SCARB2: variants seen among roughly 807,000 people sequenced by gnomAD.
SCARB2 encodes the protein lysosome membrane protein 2.
Under a neutral mutation model 58.6 loss-of-function variants are expected in SCARB2, and 29 were observed. That is an observed-to-expected ratio of 0.49 (90% CI 0.37 to 0.67). The LOEUF (loss-of-function observed/expected upper bound fraction) is 0.67. Ranked by LOEUF, SCARB2 falls within the 30% of genes least tolerant of loss-of-function variation. The pLI is 0.00. For missense variants in SCARB2, 488 were observed against 578.5 expected (o/e 0.84, Z 1.60); for synonymous variants, 195 against 210.1 (o/e 0.93, Z 0.62).
intron 4 of SCARB2, among the ~76,000 whole-genome samples, chr4:76,177,350 A>G (rs1732271266): frequency 6.6e-6 from 1 of 152,104 alleles, no homozygotes; most frequent in Admixed American, 6.6e-5. Context: ...AAAAAAAAAA[A>G]AAAGAAAAAT....
At chr4:76,161,832 G>T in intron 11 of SCARB2, 81 bp from the exon 12 acceptor site, 1 of 1,373,020 alleles carries the variant, frequency 7.3e-7, no homozygotes. Context: ...GGTGGGGAGT[G>T]GGGGCATGGA....
chr4:76,213,151 G>C (rs1009989043), intron 1 of SCARB2: 1 of 447,858 alleles, frequency 2.2e-6, no homozygotes, highest in Non-Finnish European at 4.2e-6. Flanking sequence ...CGGAAGGAGT[G>C]GGGAGAGATG....
intron 1 of SCARB2, among the ~76,000 whole-genome samples, chr4:76,197,919 GA>G (rs1427548142): frequency 6.6e-6 from 1 of 151,830 alleles, no homozygotes; most frequent in East Asian, 1.9e-4. Context: ...GAAAATCTAA[GA>G]AACTCAGATT....
chr4:76,226,145 T>A (rs1560728863), intron 1 of SCARB2, among the ~76,000 whole-genome samples: 1 of 152,122 alleles, frequency 6.6e-6, no homozygotes, highest in Non-Finnish European at 1.5e-5. Context: ...TAAGAGTACA[T>A]ACGGTGGGTC....
rs1355153585 is a variant in SCARB2, at chr4:76,161,605, T to C, written c.*108A>G. ...TATCACTTGCCAGCGCCGTGTCTTTTTCCTTCTTTCAACAGGCAACAAGCC... is the reference window on the plus strand; with the variant it reads ...TATCACTTGCCAGCGCCGTGTCTTTCTCCTTCTTTCAACAGGCAACAAGCC... On this transcript the variant is annotated 3_prime_UTR_variant, in exon 12 of 12. Coordinates refer to ENST00000264896, the MANE Select transcript of SCARB2 (RefSeq NM_005506.4). The C allele has an allele frequency of 1.6e-6, 2 of 1,215,868 alleles. No homozygotes were observed. Among genetic ancestry groups the C allele is most frequent in the Non-Finnish European group, 2.4e-6 (2 of 817,974 alleles). 75.3% of individuals were successfully genotyped at this position (1,215,868 alleles called of 1,614,324 possible).
intron 2 of SCARB2, chr4:76,195,491 A>G: frequency 1.7e-6 from 1 of 574,564 alleles, no homozygotes. Context: ...GCTGCACTTC[A>G]AAACACAACA....
chr4:76,160,223 T>G lies in SCARB2; in HGVS notation c.*1490A>C, dbSNP rs1355745931. ...GCTATGGAAATGAAATCTATATTTT[T>G]TTCTTCATTTGCTTACATTGAAATC... is the stretch of plus-strand genomic sequence containing the variant. On this transcript the variant is annotated 3_prime_UTR_variant, in exon 12 of 12. Coordinates refer to ENST00000264896, the MANE Select transcript of SCARB2 (RefSeq NM_005506.4). 2 of 152,242 alleles carry G rather than the reference T, an allele frequency of 1.3e-5. No individual in the cohort carries two copies. The highest frequency in any genetic ancestry group is 2.9e-5 in the Non-Finnish European group (2 of 68,040). 9.4% of individuals were successfully genotyped at this position (152,242 alleles called of 1,614,324 possible).
At chr4:76,174,355 C>T in intron 6 of SCARB2, 42 bp from the exon 7 acceptor site, 1 of 1,597,662 alleles carries the variant, frequency 6.3e-7, no homozygotes, top group Non-Finnish European at 8.6e-7. Flanking sequence ...GGACTCTGGT[C>T]AGTGTAATCT....
intron 1 of SCARB2, among the ~76,000 whole-genome samples, chr4:76,221,199 A>G (rs1733301139): frequency 6.6e-6 from 1 of 152,232 alleles, no homozygotes; most frequent in African/African-American, 2.4e-5. Flanking sequence ...GAACCGAATC[A>G]TACAGCCCAG....
chr4:76,232,907 A>G (rs1296517832), intron 1 of SCARB2, among the ~76,000 whole-genome samples: 1 of 152,224 alleles, frequency 6.6e-6, no homozygotes, highest in Non-Finnish European at 1.5e-5. Flanking sequence ...AGCAGCAAAA[A>G]CCTTTAATAA....
intron 1 of SCARB2, among the ~76,000 whole-genome samples, chr4:76,220,193 CAAATACTTGT>C (rs1377478155): frequency 6.6e-6 from 1 of 152,186 alleles, no homozygotes; most frequent in Non-Finnish European, 1.5e-5. Flanking sequence ...GGTACTCAAA[CAAATACTTGT>C]AAACCAGTGT....
intron 9 of SCARB2, 100 bp downstream of exon 9, chr4:76,168,303 G>C: frequency 1.1e-6 from 1 of 904,658 alleles, no homozygotes; most frequent in Non-Finnish European, 1.9e-6. Flanking sequence ...GGGGTGAGCA[G>C]GCTTAGATGA....
chr4:76,201,108 G>C (rs1265312377), intron 1 of SCARB2, among the ~76,000 whole-genome samples: 1 of 152,090 alleles, frequency 6.6e-6, no homozygotes, highest in East Asian at 1.9e-4. Flanking sequence ...CCAGTAACAC[G>C]CAACCATCTA....
chr4:76,186,244 G>A (rs775220461), intron 2 of SCARB2, among the ~76,000 whole-genome samples: 1 of 151,978 alleles, frequency 6.6e-6, no homozygotes, highest in African/African-American at 2.4e-5. Flanking sequence ...CAGGTGGGAG[G>A]GTGAAGGGGG....
upstream of SCARB2, among the ~76,000 whole-genome samples, chr4:76,216,687 T>C (rs1733213353): frequency 6.6e-6 from 1 of 152,224 alleles, no homozygotes; most frequent in African/African-American, 2.4e-5. Flanking sequence ...AGGATCTCAC[T>C]CTGTTTCCAC....
At chr4:76,180,800 T>C (rs1361247385) in intron 3 of SCARB2, 154 bp downstream of exon 3, 2 of 532,650 alleles carry the variant, frequency 3.8e-6, no homozygotes, top group Non-Finnish European at 6.2e-6. Context: ...GTCCAAGATG[T>C]ACTTTAAAGA....
chr4:76,208,111 A>C (rs1732965006), intron 1 of SCARB2, among the ~76,000 whole-genome samples: 1 of 152,182 alleles, frequency 6.6e-6, no homozygotes, highest in Non-Finnish European at 1.5e-5. Context: ...TTCTGTTCCT[A>C]ATGAGTCTGA....
intron 1 of SCARB2, among the ~76,000 whole-genome samples, chr4:76,212,959 C>A (rs563886207): frequency 1.3e-5 from 2 of 152,322 alleles, no homozygotes; most frequent in South Asian, 4.1e-4. Flanking sequence ...CCTGCCCAGC[C>A]CAAGAGGGCA....
chr4:76,224,446 C>T (rs890506871), intron 1 of SCARB2, among the ~76,000 whole-genome samples: 2 of 152,184 alleles, frequency 1.3e-5, no homozygotes, highest in African/African-American at 4.8e-5. Flanking sequence ...CTCCCAAGTC[C>T]TTAAGAAAAA....
Sources: allele counts gnomAD v4.1 joint callset (sites outside exome capture counted in the v4.1 genomes callset), GRCh38; gene constraint gnomAD v4.1.1; transcripts MANE v1.5; gene names NCBI Gene and HGNC (gene_info 2026-07-23, HGNC 2026-07-21).